CEP44: variants seen among roughly 807,000 people sequenced by gnomAD.
CEP44 encodes the protein centrosomal protein 44.
A neutral mutation model predicts 46.7 loss-of-function variants in CEP44; 45 were observed. The observed-to-expected ratio is 0.96, with a 90% CI of 0.76 to 1.24. The LOEUF is 1.24. CEP44 is among the 50% of genes most tolerant of loss of function. The pLI, the probability that CEP44 is intolerant of heterozygous loss-of-function variation, is 0.00. For missense variants in CEP44, 475 were observed against 459.7 expected, an observed-to-expected ratio of 1.03 and a Z score of -0.30; for synonymous variants, 142 against 146.0, an observed-to-expected ratio of 0.97 and a Z score of 0.20.
intron 6 of CEP44, among the ~76,000 whole-genome samples, chr4:174,306,688 C>T (rs1740440331): frequency 6.6e-6 from 1 of 151,904 alleles, no homozygotes; most frequent in African/African-American, 2.4e-5. Flanking sequence ...TGCAAAATTG[C>T]TGTATGTTTA....
chr4:174,330,140 G>T (rs187262225), intron 8 of CEP44, among the ~76,000 whole-genome samples: 2 of 151,962 alleles, frequency 1.3e-5, no homozygotes, highest in African/African-American at 2.4e-5. Context: ...ATATTTTGAC[G>T]TATCTTATTT....
Position 174,331,760 on chromosome 4 carries a change from TG to T in CEP44, c.*168del. The T allele has an allele frequency of 1.2e-6, 1 of 822,270 alleles. No individual in the cohort carries two copies. The highest frequency in any genetic ancestry group is 3.0e-5 in the South Asian group (1 of 33,772). The allele number at this position is 822,270 out of a possible 1,614,324, so 50.9% of individuals were successfully genotyped here. On this transcript the variant is annotated 3_prime_UTR_variant, in exon 9 of 9. Transcript: ENST00000426172. The surrounding 1 kb of genome is among the most constrained non-coding windows in gnomAD (Gnocchi z 4.5). ...TGATGACTTTTTCCTTCCTGCTACA[TG>T]GGTAACACTTAGTTGTTTGTCTAAT...
rs1482799415 is a variant in CEP44, at chr4:174,329,624, C to T, written c.1087-1858C>T. On this transcript the variant is annotated intron_variant, in intron 8 of 8. Transcript: ENST00000426172. This position sits in a 1 kb window ranked among gnomAD's most constrained non-coding sequence, Gnocchi z 4.0. Reference sequence around the variant, plus strand: ...ACTCATGGGAACTAAAAATGTTATGCTTTGAGAAACCAAAGGGGAAAAGTT... The same window carrying T: ...ACTCATGGGAACTAAAAATGTTATGTTTTGAGAAACCAAAGGGGAAAAGTT... Among the ~76,000 whole-genome samples the T allele has an allele frequency of 6.6e-6, 1 of 151,900 alleles. No individual in the cohort carries two copies. The highest frequency in any genetic ancestry group is 1.5e-5 in the Non-Finnish European group (1 of 67,950).
Position 174,318,590 on chromosome 4 carries a change from T to C in CEP44, c.*1207T>C, listed in dbSNP as rs929288122. On this transcript the variant is annotated 3_prime_UTR_variant, in exon 12 of 12. Transcript: ENST00000503780. ...ATCCTCAAGAAAATTGACTTCATTATTTGGAAGGAAAATTAGTATTTTTTT... is the reference window on the plus strand; with the variant it reads ...ATCCTCAAGAAAATTGACTTCATTACTTGGAAGGAAAATTAGTATTTTTTT... The C allele has an allele frequency of 3.8e-6, 3 of 788,330 alleles. No individual in the cohort carries two copies. The African/African-American group carries it at 5.6e-5, about 15-fold the overall frequency. 48.8% of individuals were successfully genotyped at this position (788,330 alleles called of 1,614,324 possible).
chr4:174,294,538 C>T (rs1192293632), intron 1 of CEP44, among the ~76,000 whole-genome samples: 10 of 151,582 alleles, frequency 6.6e-5, no homozygotes, highest in Admixed American at 2.0e-4. Flanking sequence ...CATCATGGCC[C>T]GTTCTCAATG....
chr4:174,317,946 T>G lies in CEP44; in HGVS notation c.*563T>G. ...CACTGAGAAATTAAGGTTAAGATTC[T>G]CCTTTTGTACTGGGAAACAGGCTGG... On this transcript the variant is annotated 3_prime_UTR_variant, in exon 12 of 12. Coordinates refer to ENST00000503780, the MANE Select transcript of CEP44 (RefSeq NM_001040157.3). The G allele has an allele frequency of 1.3e-5, 13 of 985,420 alleles. No homozygotes were observed. Among genetic ancestry groups the G allele is most frequent in the Non-Finnish European group, 1.6e-5 (13 of 829,908 alleles). 61.0% of individuals were successfully genotyped at this position (985,420 alleles called of 1,614,324 possible).
In CEP44 at chr4:174,311,543, ATTG is replaced by A. The variant is rs1363825498; in HGVS notation, c.961+688_961+690del. Among the ~76,000 whole-genome samples the A allele has an allele frequency of 3.3e-5, 5 of 152,240 alleles. No homozygotes were observed. The South Asian group carries it at 8.3e-4, about 25-fold the overall frequency. ...TAAGTTAAATTTTTAATATCTGTGG[ATTG>A]TTAACGTTATAAAATCTTTCAGCTC... On this transcript the variant is annotated intron_variant, in intron 9 of 11. Coordinates refer to ENST00000503780, the MANE Select transcript of CEP44 (RefSeq NM_001040157.3). This position sits in a 1 kb window ranked among gnomAD's most constrained non-coding sequence, Gnocchi z 4.4.
Position 174,302,269 on chromosome 4 carries a change from T to G in CEP44, c.237+83T>G. 5.0e-6 allele frequency: 4 copies of G among 803,504 alleles called. No homozygotes were observed. The South Asian group carries it at 6.5e-5, about 13-fold the overall frequency. The allele number at this position is 803,504 out of a possible 1,614,324, so 49.8% of individuals were successfully genotyped here. ...TGATTTAGTCATAACTTCTTAAATA[T>G]ATGCAGCATATACAATTGACAGGAT... On this transcript the variant is annotated intron_variant, in intron 4 of 11. Transcript: ENST00000503780.
exon 9 of CEP44, chr4:174,332,053 T>C: frequency 6.5e-6 from 1 of 153,768 alleles, no homozygotes; most frequent in Non-Finnish European, 1.4e-5. Context: ...TCTTCCTTTC[T>C]TCCCAATGTC....
chr4:174,329,174 C>T lies in CEP44; in HGVS notation c.1087-2308C>T, dbSNP rs979527127. On this transcript the variant is annotated intron_variant, in intron 8 of 8. Coordinates refer to the CEP44 transcript ENST00000426172. The surrounding 1 kb of genome is among the most constrained non-coding windows in gnomAD (Gnocchi z 4.0). Reference sequence around the variant, plus strand: ...CTATGCTGCCCAGGCTAGTCTCAGACTCCTGGCCTCAAGCAATCTTCCTAC... The same window carrying T: ...CTATGCTGCCCAGGCTAGTCTCAGATTCCTGGCCTCAAGCAATCTTCCTAC... Among the ~76,000 whole-genome samples the T allele has an allele frequency of 3.3e-5, 5 of 152,072 alleles. No homozygotes were observed. Among genetic ancestry groups the T allele is most frequent in the Admixed American group, 2.6e-4 (4 of 15,244 alleles).
chr4:174,327,788 A>G (rs1413365850), intron 8 of CEP44, among the ~76,000 whole-genome samples: 1 of 152,140 alleles, frequency 6.6e-6, no homozygotes, highest in East Asian at 1.9e-4. Flanking sequence ...CACACCATTC[A>G]CAATCATTTT....
intron 1 of CEP44, among the ~76,000 whole-genome samples, chr4:174,294,798 T>C (rs999168767): frequency 2.3e-3 from 192 of 83,178 alleles, no homozygotes; most frequent in Middle Eastern, 0.023. Flanking sequence ...GCTGGCCGGG[T>C]GGGGGGCTGA....
chr4:174,306,673 C>T (rs1740438971), intron 6 of CEP44, among the ~76,000 whole-genome samples: 1 of 151,874 alleles, frequency 6.6e-6, no homozygotes, highest in South Asian at 2.1e-4. Flanking sequence ...GATTGGTGTT[C>T]CTTTTGCAAA....
At position 174,331,493 on chromosome 4, in the gene CEP44, A is replaced by G. The variant is rs369980220; in HGVS notation, c.1098A>G (p.Ala366=). The G allele has an allele frequency of 6.9e-5, 107 of 1,551,350 alleles. No homozygotes were observed. Among genetic ancestry groups the G allele is most frequent in the Non-Finnish European group, 8.9e-5 (102 of 1,146,876 alleles). ...TGTTTCCTTTCTAGAATTTTCCTGC[A>G]TGGAGTGCTACATCCTCTTGTTCCA... Residue 366 remains alanine, a synonymous_variant, in exon 9 of 9, where the codon GCA becomes GCG. Coordinates refer to the CEP44 transcript ENST00000426172. The surrounding 1 kb of genome is among the most constrained non-coding windows in gnomAD (Gnocchi z 4.5).
intron 9 of CEP44, 113 bp from the exon 10 acceptor site, chr4:174,316,053 A>C (rs563167742): frequency 1.2e-5 from 16 of 1,291,002 alleles, no homozygotes; most frequent in Middle Eastern, 2.2e-4. Flanking sequence ...ATCTATGCGG[A>C]TAGCCATTTT....
Position 174,310,743 on chromosome 4 carries a change from C to T in CEP44, c.886-40C>T. On this transcript the variant is annotated intron_variant, in intron 8 of 11. Transcript: ENST00000503780. The surrounding 1 kb of genome is among the most constrained non-coding windows in gnomAD (Gnocchi z 4.2). ...AAGAATATAAAATGAGAGGGTTTTT[C>T]TTTTTATTTCATTCTAAATATTTAA... is the stretch of plus-strand genomic sequence containing the variant. 1 of 954,822 alleles carries T rather than the reference C, an allele frequency of 1.0e-6. No individual in the cohort carries two copies. The highest frequency in any genetic ancestry group is 1.6e-6 in the Non-Finnish European group (1 of 612,840). 59.1% of individuals were successfully genotyped at this position (954,822 alleles called of 1,614,324 possible).
At position 174,326,444 on chromosome 4, in the gene CEP44, C is replaced by G. The variant is rs930991979; in HGVS notation, c.1087-5038C>G. Among the ~76,000 whole-genome samples the G allele has an allele frequency of 1.2e-4, 18 of 151,980 alleles. No homozygotes were observed. Among genetic ancestry groups the G allele is most frequent in the Admixed American group, 8.5e-4 (13 of 15,232 alleles). ...TTTCATTCTTTCTGCGCCCGCCAAG[C>G]CTTTTTTTGTCAAACATTGACTTCT... On this transcript the variant is annotated intron_variant, in intron 8 of 8. Transcript: ENST00000426172. The surrounding 1 kb of genome is among the most constrained non-coding windows in gnomAD (Gnocchi z 4.8).
At chr4:174,300,989 A>G (rs1052268648) in intron 3 of CEP44, among the ~76,000 whole-genome samples, 1 of 151,988 alleles carries the variant, frequency 6.6e-6, no homozygotes, top group African/African-American at 2.4e-5. Context: ...TGTGTTTCAG[A>G]TAGACAAGGT....
intron 6 of CEP44, among the ~76,000 whole-genome samples, chr4:174,307,785 A>G (rs900441558): frequency 6.6e-6 from 1 of 152,160 alleles, no homozygotes; most frequent in Admixed American, 6.5e-5. Flanking sequence ...ACCTAATTAA[A>G]AAGTGGACAA....
Sources: allele counts gnomAD v4.1 joint callset (sites outside exome capture counted in the v4.1 genomes callset), GRCh38; gene constraint gnomAD v4.1.1; non-coding constraint Gnocchi (gnomAD v3.1); transcripts MANE v1.5; gene names NCBI Gene and HGNC (gene_info 2026-07-23, HGNC 2026-07-21).